Variants in PRKG1 observed in about 807,000 individuals in gnomAD.
PRKG1 encodes cGMP-dependent protein kinase 1.
Under a neutral mutation model 88.1 loss-of-function variants are expected in PRKG1, and 35 were observed. The observed-to-expected ratio is 0.40, with a 90% CI of 0.30 to 0.53. PRKG1 has a LOEUF of 0.53. Ranked by LOEUF, PRKG1 falls within the 20% of genes least tolerant of loss-of-function variation. The probability of loss-of-function intolerance (pLI) is 0.59; values close to 1 mark genes in which losing one functional copy is unlikely to be tolerated. For synonymous variants in PRKG1, 303 were observed against 292.5 expected, an observed-to-expected ratio of 1.04 and a Z score of -0.37; for missense variants, 540 against 839.8, an observed-to-expected ratio of 0.64 and a Z score of 4.41.
chr10:51,108,833 T>C (rs1045267452), intron 1 of PRKG1, among the ~76,000 whole-genome samples: 31 of 152,200 alleles, frequency 2.0e-4, no homozygotes, highest in Admixed American at 1.9e-3. Flanking sequence ...AAATAGCTTT[T>C]TTTCAGGCAA....
chr10:51,974,462 C>T (rs1052208568), intron 5 of PRKG1, among the ~76,000 whole-genome samples: 1 of 152,142 alleles, frequency 6.6e-6, no homozygotes, highest in Non-Finnish European at 1.5e-5. Context: ...CTGTCAAAGT[C>T]CAAACTTGAT....
At chr10:51,316,343 T>C (rs545373034) in intron 2 of PRKG1, among the ~76,000 whole-genome samples, 2 of 152,342 alleles carry the variant, frequency 1.3e-5, no homozygotes, top group South Asian at 2.1e-4. Context: ...TTTATTACTT[T>C]ATAGAATGAA....
At chr10:51,180,263 C>A (rs1218753622) in intron 2 of PRKG1, among the ~76,000 whole-genome samples, 2 of 152,154 alleles carry the variant, frequency 1.3e-5, no homozygotes, top group African/African-American at 4.8e-5. Flanking sequence ...GAGACTTATT[C>A]TCTGTACATG....
chr10:51,010,608 C>T (rs965755452), intron 1 of PRKG1, among the ~76,000 whole-genome samples: 2 of 152,124 alleles, frequency 1.3e-5, no homozygotes, highest in African/African-American at 4.8e-5. Context: ...CTTGAACTGT[C>T]CAAGTTGGAG....
intron 14 of PRKG1, among the ~76,000 whole-genome samples, chr10:52,285,096 G>A (rs1055816517): frequency 6.6e-6 from 1 of 151,930 alleles, no homozygotes; most frequent in Non-Finnish European, 1.5e-5. Context: ...AGGGTCCCAG[G>A]GAAGCCAGTC....
At chr10:51,720,413 A>C (rs569098831) in intron 3 of PRKG1, among the ~76,000 whole-genome samples, 3 of 152,360 alleles carry the variant, frequency 2.0e-5, no homozygotes, top group Admixed American at 6.5e-5. Context: ...CTAGTTAATA[A>C]CAATAATAGA....
At chr10:52,070,875 A>G (rs1286442072) in intron 7 of PRKG1, among the ~76,000 whole-genome samples, 1 of 152,216 alleles carries the variant, frequency 6.6e-6, no homozygotes, top group African/African-American at 2.4e-5. Context: ...GAGCTCTGAA[A>G]TGAGACTTCT....
intron 3 of PRKG1, among the ~76,000 whole-genome samples, chr10:51,589,772 G>A (rs1838264427): frequency 6.6e-6 from 1 of 152,122 alleles, no homozygotes; most frequent in African/African-American, 2.4e-5. Flanking sequence ...TAAGAAAGTC[G>A]AAAAATCAAA....
At chr10:51,007,680 A>G (rs974553999) in intron 1 of PRKG1, among the ~76,000 whole-genome samples, 2 of 152,208 alleles carry the variant, frequency 1.3e-5, no homozygotes, top group East Asian at 3.9e-4. Context: ...CCCACCTGAA[A>G]CTAACGTTAT....
chr10:51,225,238 G>A (rs1465612116), intron 2 of PRKG1, among the ~76,000 whole-genome samples: 1 of 152,178 alleles, frequency 6.6e-6, no homozygotes, highest in African/African-American at 2.4e-5. Context: ...TGTGGTAGAA[G>A]AAGCTAGCTA....
At chr10:51,360,969 A>C (rs891173078) in intron 2 of PRKG1, among the ~76,000 whole-genome samples, 4 of 151,956 alleles carry the variant, frequency 2.6e-5, no homozygotes, top group East Asian at 3.9e-4. Context: ...ATTATGGCTC[A>C]TTTAAAATAT....
At chr10:51,809,827 A>G (rs1483403851) in intron 4 of PRKG1, among the ~76,000 whole-genome samples, 1 of 152,014 alleles carries the variant, frequency 6.6e-6, no homozygotes, top group African/African-American at 2.4e-5. Context: ...AAGCCTACCT[A>G]GTTCTTACCA....
chr10:51,122,488 C>T (rs1385611534), intron 1 of PRKG1, among the ~76,000 whole-genome samples: 2 of 152,122 alleles, frequency 1.3e-5, no homozygotes, highest in Non-Finnish European at 2.9e-5. Flanking sequence ...ATCTGGGTTG[C>T]CTCTTGTGGG....
At chr10:51,296,325 A>T (rs1840719685) in intron 2 of PRKG1, among the ~76,000 whole-genome samples, 1 of 151,974 alleles carries the variant, frequency 6.6e-6, no homozygotes, top group African/African-American at 2.4e-5. Flanking sequence ...CTTTTTTGAG[A>T]CACTTTTGAT....
chr10:51,223,503 C>T (rs968099833), intron 2 of PRKG1, among the ~76,000 whole-genome samples: 4 of 152,184 alleles, frequency 2.6e-5, no homozygotes, highest in South Asian at 4.1e-4. Flanking sequence ...CACACATACA[C>T]GAGTGAATAT....
intron 2 of PRKG1, among the ~76,000 whole-genome samples, chr10:51,359,907 G>A (rs1313414150): frequency 6.6e-6 from 1 of 151,878 alleles, no homozygotes; most frequent in Non-Finnish European, 1.5e-5. Context: ...GAGCTAGCCT[G>A]GAATTTCCAA....
At chr10:51,672,609 T>G (rs1403027874) in intron 3 of PRKG1, among the ~76,000 whole-genome samples, 1 of 152,206 alleles carries the variant, frequency 6.6e-6, no homozygotes, top group Non-Finnish European at 1.5e-5. Context: ...TTTTTCTGAC[T>G]CCTTCATGTG....
intron 5 of PRKG1, among the ~76,000 whole-genome samples, chr10:51,943,235 C>G (rs1050844785): frequency 1.8e-4 from 27 of 151,886 alleles, no homozygotes; most frequent in African/African-American, 6.5e-4. Context: ...GGAGTTCACT[C>G]ATGATTTGGC....
At chr10:51,198,288 G>A (rs1837823986) in intron 2 of PRKG1, among the ~76,000 whole-genome samples, 1 of 152,042 alleles carries the variant, frequency 6.6e-6, no homozygotes, top group Non-Finnish European at 1.5e-5. Flanking sequence ...AGCAGCAGAG[G>A]TAGCATCTAG....
Sources: allele counts gnomAD v4.1 joint callset (sites outside exome capture counted in the v4.1 genomes callset), GRCh38; gene constraint gnomAD v4.1.1; transcripts MANE v1.5; gene names NCBI Gene and HGNC (gene_info 2026-07-23, HGNC 2026-07-21).